The following SLC16A2 variants were observed in gnomAD, a reference collection of about 807,000 sequenced individuals.
SLC16A2 encodes the protein solute carrier family 16 member 2.
A neutral mutation model predicts 27.2 loss-of-function variants in SLC16A2; 3 were observed. The observed-to-expected ratio is 0.11, with a 90% confidence interval of 0.05 to 0.28. SLC16A2 has a LOEUF of 0.28. Among genes scored for constraint, SLC16A2 ranks in the 10% least tolerant of loss-of-function variants. The pLI is 1.00. For synonymous variants in SLC16A2, 202 were observed against 187.8 expected (o/e 1.08, Z -0.62); for missense variants, 295 against 458.5 (o/e 0.64, Z 3.26).
At chrX:74,437,975 C>T (rs765391445) in intron 1 of SLC16A2, among the ~76,000 whole-genome samples, 126 of 112,102 alleles carry the variant, frequency 1.1e-3, no homozygotes, top group Non-Finnish European at 2.2e-3. Context: ...GGCTACTTTC[C>T]AGGCCATAGC....
At chrX:74,449,886 C>G (rs1235807252) in intron 1 of SLC16A2, among the ~76,000 whole-genome samples, 1 of 111,589 alleles carries the variant, frequency 9.0e-6, no homozygotes, top group Non-Finnish European at 1.9e-5. Context: ...CTCCCATCAA[C>G]AAGCTTCCTT....
intron 4 of SLC16A2, among the ~76,000 whole-genome samples, chrX:74,526,441 G>A (rs938953543): frequency 7.1e-5 from 8 of 111,995 alleles, no homozygotes; most frequent in African/African-American, 2.3e-4. Context: ...ACATGCAAGG[G>A]GCCCTAGCTA....
At chrX:74,527,622 T>A (rs1452240553) in intron 4 of SLC16A2, among the ~76,000 whole-genome samples, 1 of 112,340 alleles carries the variant, frequency 8.9e-6, no homozygotes, top group African/African-American at 3.2e-5. Context: ...TTTGTGCCAA[T>A]TCTTGAGGCC....
intron 1 of SLC16A2, among the ~76,000 whole-genome samples, chrX:74,440,842 G>C: frequency 9.0e-6 from 1 of 110,640 alleles, no homozygotes; most frequent in Middle Eastern, 4.6e-3. Flanking sequence ...GCATGAGCAT[G>C]GATAGGGTAG....
chrX:74,520,285 G>T (rs1241602819), intron 1 of SLC16A2, among the ~76,000 whole-genome samples: 1 of 111,494 alleles, frequency 9.0e-6, no homozygotes, highest in African/African-American at 3.3e-5. Context: ...GATGAAACTT[G>T]ATAACAGCCT....
rs754816447 is a variant in SLC16A2, at chrX:74,521,084, C to T, written c.525C>T (p.Thr175=). 3.1e-5 allele frequency: 37 copies of T among 1,210,241 alleles called. No homozygotes were observed. The highest frequency in any genetic ancestry group is 8.7e-5 in the Admixed American group (4 of 45,836). Residue 175 remains threonine (T), a synonymous_variant, in exon 2 of 6, where the codon ACC becomes ACT. Transcript: ENST00000587091. ...GTTTGGGCTGCCGAATCACAGCAACCGCGGGGGCTGCCGTTGCTTTCATTG... is the reference window on the plus strand; with the variant it reads ...GTTTGGGCTGCCGAATCACAGCAACTGCGGGGGCTGCCGTTGCTTTCATTG... ...TDRLGCRITA[T]AGAAVAFIGL...
intron 1 of SLC16A2, among the ~76,000 whole-genome samples, chrX:74,489,962 C>CACAT (rs1334041595): frequency 2.4e-5 from 1 of 41,249 alleles, no homozygotes; most frequent in Non-Finnish European, 4.4e-5. Flanking sequence ...TTATAAAGGT[C>CACAT]ACACACATAC....
chrX:74,472,432 A>G, intron 1 of SLC16A2, among the ~76,000 whole-genome samples: 1 of 111,598 alleles, frequency 9.0e-6, no homozygotes, highest in East Asian at 2.8e-4. Flanking sequence ...TAGTTGACTC[A>G]TCACCATTTG....
chrX:74,454,536 A>G (rs200283900), intron 1 of SLC16A2, among the ~76,000 whole-genome samples: 1 of 99,886 alleles, frequency 1.0e-5, no homozygotes. Flanking sequence ...ATGAGAACAC[A>G]TGGACACAGG....
chrX:74,428,657 A>G (rs1417395670), intron 1 of SLC16A2, among the ~76,000 whole-genome samples: 1 of 107,946 alleles, frequency 9.3e-6, no homozygotes, highest in African/African-American at 3.4e-5. Flanking sequence ...CTTACTTTCC[A>G]CTTTCTGGGT....
chrX:74,519,339 A>G (rs1250362751), intron 1 of SLC16A2, among the ~76,000 whole-genome samples: 1 of 107,006 alleles, frequency 9.3e-6, no homozygotes, highest in Non-Finnish European at 1.9e-5. Context: ...CCCCACACCC[A>G]GCTAATTTTT....
chrX:74,487,941 T>C lies in SLC16A2; in HGVS notation c.431-33049T>C, dbSNP rs1929750538. 2.7e-5 allele frequency among the ~76,000 whole-genome samples: 3 copies of C among 112,280 alleles called. No individual in the cohort carries two copies. In the South Asian group the frequency reaches 1.1e-3, roughly 41 times the overall value. ...TTTTATAAACTTCACCAAAAACATA[T>C]TTTATGCATTTACTATTTTAGCTTG... On this transcript the variant is annotated intron_variant, in intron 1 of 5. Transcript: ENST00000587091.
chrX:74,520,147 G>C (rs905462170), intron 1 of SLC16A2, among the ~76,000 whole-genome samples: 7 of 112,183 alleles, frequency 6.2e-5, no homozygotes, highest in African/African-American at 2.3e-4. Context: ...GTCACTCTTT[G>C]ATGATGATGA....
chrX:74,468,715 C>G (rs1435170261), intron 1 of SLC16A2, among the ~76,000 whole-genome samples: 7 of 111,736 alleles, frequency 6.3e-5, no homozygotes, highest in African/African-American at 2.3e-4. Flanking sequence ...AATAGTTGCA[C>G]TATTTATGGG....
chrX:74,460,406 C>T (rs1172112375), intron 1 of SLC16A2, among the ~76,000 whole-genome samples: 5 of 111,837 alleles, frequency 4.5e-5, no homozygotes, highest in Non-Finnish European at 9.4e-5. Flanking sequence ...CCCTCATCCT[C>T]TCTTTCACTC....
chrX:74,468,085 A>T (rs1324489282), intron 1 of SLC16A2, among the ~76,000 whole-genome samples: 1 of 112,057 alleles, frequency 8.9e-6, no homozygotes, highest in Non-Finnish European at 1.9e-5. Flanking sequence ...TTAAACTTTT[A>T]AAAAAATAGC....
chrX:74,447,432 G>T (rs767211207), intron 1 of SLC16A2, among the ~76,000 whole-genome samples: 1 of 111,295 alleles, frequency 9.0e-6, no homozygotes, highest in Non-Finnish European at 1.9e-5. Flanking sequence ...CAACACTTTG[G>T]GAGGCTGAGG....
At chrX:74,521,202 G>A (rs1452003251) in intron 2 of SLC16A2, 68 bp downstream of exon 2, 6 of 1,158,699 alleles carry the variant, frequency 5.2e-6, no homozygotes, top group Non-Finnish European at 7.1e-6. Flanking sequence ...CTTTAGCTAG[G>A]GTTACTTTTC....
At chrX:74,440,112 T>C (rs1928714597) in intron 1 of SLC16A2, among the ~76,000 whole-genome samples, 1 of 111,913 alleles carries the variant, frequency 8.9e-6, no homozygotes, top group South Asian at 3.7e-4. Flanking sequence ...GCCTGGGCTT[T>C]ATGTAATGGG....
Sources: gnomAD v4.1 joint callset for allele counts (sites outside exome capture counted in the v4.1 genomes callset) on GRCh38, gnomAD v4.1.1 for gene constraint, MANE v1.5 for transcripts, NCBI Gene and HGNC (gene_info 2026-07-23, HGNC 2026-07-21) for gene names.